Variants in MACROD2 observed in about 807,000 individuals in gnomAD.
The protein encoded by MACROD2 is mono-ADP ribosylhydrolase 2.
In MACROD2, 36 loss-of-function variants were observed where a neutral mutation model predicts 70.4. The ratio of observed to expected loss-of-function variants is 0.51; its 90% confidence interval spans 0.39 to 0.68. The LOEUF (loss-of-function observed/expected upper bound fraction) is 0.68. MACROD2 is among the 30% of genes least tolerant of loss of function. MACROD2 has a pLI of 0.00. For missense variants in MACROD2, 496 were observed against 538.4 expected, an observed-to-expected ratio of 0.92 and a Z score of 0.78; for synonymous variants, 172 against 178.8, an observed-to-expected ratio of 0.96 and a Z score of 0.30.
At chr20:14,630,311 A>G (rs1984436726) in intron 4 of MACROD2, among the ~76,000 whole-genome samples, 1 of 151,438 alleles carries the variant, frequency 6.6e-6, no homozygotes, top group Non-Finnish European at 1.5e-5. Flanking sequence ...AGAGCCTAAG[A>G]GCATCTACAC....
chr20:14,097,717 AT>A (rs903784899), intron 3 of MACROD2, among the ~76,000 whole-genome samples: 3 of 152,070 alleles, frequency 2.0e-5, no homozygotes, highest in African/African-American at 7.2e-5. Context: ...AGTGTTTCAG[AT>A]TTTTTTTGGG....
intron 10 of MACROD2, among the ~76,000 whole-genome samples, chr20:15,928,134 G>C (rs1028171680): frequency 2.0e-5 from 3 of 152,196 alleles, no homozygotes; most frequent in Admixed American, 2.0e-4. Flanking sequence ...TTATGAAAAA[G>C]AATGTCCTTG....
At chr20:15,559,699 C>T (rs78508673) in intron 8 of MACROD2, among the ~76,000 whole-genome samples, 1,527 of 152,250 alleles carry the variant, frequency 0.01, 14 homozygotes, top group Middle Eastern at 0.037. Context: ...AGCATCACTG[C>T]GCATGTACAG....
chr20:15,639,456 C>T (rs2049420573), intron 8 of MACROD2, among the ~76,000 whole-genome samples: 1 of 152,160 alleles, frequency 6.6e-6, no homozygotes, highest in Admixed American at 6.5e-5. Context: ...TTCCTACTCC[C>T]TACTCTCCTC....
chr20:15,159,542 G>A (rs552241746), intron 5 of MACROD2, among the ~76,000 whole-genome samples: 2 of 152,112 alleles, frequency 1.3e-5, no homozygotes, highest in South Asian at 4.1e-4. Flanking sequence ...ATAAAAATAT[G>A]GTTTGCTTTA....
At chr20:14,958,205 G>T (rs1298871701) in intron 5 of MACROD2, among the ~76,000 whole-genome samples, 3 of 152,096 alleles carry the variant, frequency 2.0e-5, no homozygotes, top group Admixed American at 1.3e-4. Context: ...GAATGCAAAG[G>T]ATGCAACAAA....
chr20:14,212,641 G>A (rs2081579881), intron 3 of MACROD2, among the ~76,000 whole-genome samples: 1 of 151,922 alleles, frequency 6.6e-6, no homozygotes, highest in Admixed American at 6.6e-5. Flanking sequence ...GCTAGTTTGG[G>A]TCTCAACATT....
At chr20:14,760,552 C>G (rs2072002724) in intron 5 of MACROD2, among the ~76,000 whole-genome samples, 1 of 152,098 alleles carries the variant, frequency 6.6e-6, no homozygotes, top group African/African-American at 2.4e-5. Flanking sequence ...AAATCTAAAA[C>G]AAAATACAGA....
At chr20:15,933,392 C>G in intron 11 of MACROD2, 54 bp downstream of exon 11, 4 of 1,484,270 alleles carry the variant, frequency 2.7e-6, no homozygotes, top group Non-Finnish European at 3.7e-6. Context: ...CAGAGGTGAA[C>G]AGTAACTTCA....
At chr20:14,482,704 T>C (rs1193614647) in intron 3 of MACROD2, among the ~76,000 whole-genome samples, 1 of 152,166 alleles carries the variant, frequency 6.6e-6, no homozygotes, top group Non-Finnish European at 1.5e-5. Context: ...CATTAATTTA[T>C]TGTAAGTAGA....
chr20:14,064,198 T>C (rs2053726812), intron 2 of MACROD2, among the ~76,000 whole-genome samples: 1 of 152,190 alleles, frequency 6.6e-6, no homozygotes, highest in Non-Finnish European at 1.5e-5. Context: ...CACTGTGTCT[T>C]TTTCATGTTC....
intron 4 of MACROD2, among the ~76,000 whole-genome samples, chr20:14,651,151 C>T (rs1985657109): frequency 6.6e-6 from 1 of 152,164 alleles, no homozygotes; most frequent in East Asian, 1.9e-4. Context: ...TGCAGTATTA[C>T]TCATTATGCA....
chr20:15,850,503 C>A (rs1402258414), intron 8 of MACROD2, among the ~76,000 whole-genome samples: 1 of 152,240 alleles, frequency 6.6e-6, no homozygotes, highest in Non-Finnish European at 1.5e-5. Context: ...GCTGCCACAC[C>A]TCCAGACTGT....
intron 6 of MACROD2, among the ~76,000 whole-genome samples, chr20:15,267,639 C>T (rs925538133): frequency 6.6e-6 from 1 of 152,210 alleles, no homozygotes; most frequent in African/African-American, 2.4e-5. Flanking sequence ...CTCTCCTCAT[C>T]TCCCCTCAAC....
Position 14,635,187 on chromosome 20 carries a change from C to T in MACROD2, c.302-49656C>T, listed in dbSNP as rs144654444. Reference sequence around the variant, plus strand: ...TATACAATCAGTGTTGAATTATTTCCGTTTTCCTCATGATCAGAGGCCCCT... The same window carrying T: ...TATACAATCAGTGTTGAATTATTTCTGTTTTCCTCATGATCAGAGGCCCCT... On this transcript the variant is annotated intron_variant, in intron 4 of 17. Coordinates refer to ENST00000684519, the MANE Select transcript of MACROD2 (RefSeq NM_001351661.2). Among the ~76,000 whole-genome samples the T allele has an allele frequency of 3.5e-4, 54 of 152,254 alleles. 3 individuals carry two copies. In the East Asian group the frequency reaches 6.4e-3, roughly 18 times the overall value.
intron 3 of MACROD2, among the ~76,000 whole-genome samples, chr20:14,395,009 T>G (rs2083566699): frequency 6.6e-6 from 1 of 152,126 alleles, no homozygotes; most frequent in Admixed American, 6.6e-5. Flanking sequence ...TAAGATTTTT[T>G]ATATATATTG....
intron 15 of MACROD2, among the ~76,000 whole-genome samples, chr20:15,996,171 T>C (rs2066629210): frequency 6.6e-6 from 1 of 152,160 alleles, no homozygotes; most frequent in Admixed American, 6.5e-5. Flanking sequence ...ACTTGTTAGT[T>C]CTTTCTTGCC....
chr20:14,203,998 C>A (rs1233617678), intron 3 of MACROD2, among the ~76,000 whole-genome samples: 1 of 152,152 alleles, frequency 6.6e-6, no homozygotes, highest in African/African-American at 2.4e-5. Context: ...GTGGTGGTAG[C>A]TATGGCAGCT....
At chr20:15,985,391 A>G (rs1018853269) in intron 13 of MACROD2, among the ~76,000 whole-genome samples, 6 of 152,210 alleles carry the variant, frequency 3.9e-5, no homozygotes, top group African/African-American at 1.4e-4. Flanking sequence ...AGTATCTAGC[A>G]ATTCAAGTCA....
Sources: allele counts gnomAD v4.1 joint callset (sites outside exome capture counted in the v4.1 genomes callset), GRCh38; gene constraint gnomAD v4.1.1; transcripts MANE v1.5; gene names NCBI Gene and HGNC (gene_info 2026-07-23, HGNC 2026-07-21).